The following NRXN3 variants were observed in gnomAD, a reference collection of about 807,000 sequenced individuals.
The protein encoded by NRXN3 is neurexin 3.
In NRXN3, 32 loss-of-function variants were observed where a neutral mutation model predicts 137.6. The ratio of observed to expected loss-of-function variants is 0.23; its 90% CI spans 0.18 to 0.31. The LOEUF is 0.31. Ranked by LOEUF, NRXN3 falls within the 10% of genes least tolerant of loss-of-function variation. The probability of loss-of-function intolerance (pLI) is 1.00; values close to 1 mark genes in which losing one functional copy is unlikely to be tolerated. For synonymous variants in NRXN3, 798 were observed against 784.5 expected, an observed-to-expected ratio of 1.02 and a Z score of -0.29; for missense variants, 1,574 against 2,062.5, an observed-to-expected ratio of 0.76 and a Z score of 4.59.
intron 4 of NRXN3, among the ~76,000 whole-genome samples, chr14:78,475,765 G>A (rs996264350): frequency 3.3e-5 from 5 of 152,188 alleles, no homozygotes; most frequent in East Asian, 1.9e-4. Flanking sequence ...ACATTTGATG[G>A]CAAAGAGCAA....
intron 19 of NRXN3, among the ~76,000 whole-genome samples, chr14:79,716,245 A>G (rs2098823302): frequency 6.6e-6 from 1 of 152,230 alleles, no homozygotes; most frequent in African/African-American, 2.4e-5. Flanking sequence ...AATGCCTCAC[A>G]GACCCATGTG....
chr14:78,566,666 C>T (rs2096839443), intron 4 of NRXN3, among the ~76,000 whole-genome samples: 1 of 152,200 alleles, frequency 6.6e-6, no homozygotes, highest in Non-Finnish European at 1.5e-5. Context: ...CTTCCTCCTC[C>T]CTCTGGTTTC....
chr14:79,773,829 AC>A (rs1167311192), intron 19 of NRXN3, among the ~76,000 whole-genome samples: 1 of 148,920 alleles, frequency 6.7e-6, no homozygotes, highest in Non-Finnish European at 1.5e-5. Flanking sequence ...AAATAAAAAT[AC>A]AAAAAAAAAA....
At chr14:78,895,209 C>A (rs764839722) in intron 10 of NRXN3, among the ~76,000 whole-genome samples, 1 of 151,862 alleles carries the variant, frequency 6.6e-6, no homozygotes, top group Non-Finnish European at 1.5e-5. Context: ...GCTGTTTCAT[C>A]TACAGTAAAA....
chr14:78,398,667 G>C (rs1431540537), intron 4 of NRXN3, among the ~76,000 whole-genome samples: 1 of 152,144 alleles, frequency 6.6e-6, no homozygotes, highest in Non-Finnish European at 1.5e-5. Flanking sequence ...TGGTGGAATT[G>C]CCTCATTATG....
At chr14:78,397,962 C>T (rs1470600879) in intron 4 of NRXN3, among the ~76,000 whole-genome samples, 8 of 150,804 alleles carry the variant, frequency 5.3e-5, no homozygotes, top group East Asian at 2.1e-4. Flanking sequence ...TGCCTGTAAT[C>T]GCAGCACTTT....
intron 15 of NRXN3, among the ~76,000 whole-genome samples, chr14:79,347,735 C>A (rs1257181432): frequency 6.6e-6 from 1 of 152,068 alleles, no homozygotes; most frequent in East Asian, 1.9e-4. Flanking sequence ...TTTCCCTTTT[C>A]AGTAGCAGGT....
At chr14:78,391,424 C>A (rs1207631585) in intron 4 of NRXN3, among the ~76,000 whole-genome samples, 1 of 152,096 alleles carries the variant, frequency 6.6e-6, no homozygotes, top group Non-Finnish European at 1.5e-5. Flanking sequence ...GAGGCTTCAA[C>A]AGACTTTTTA....
At chr14:79,404,540 A>G (rs141348353) in intron 15 of NRXN3, among the ~76,000 whole-genome samples, 70 of 152,300 alleles carry the variant, frequency 4.6e-4, no homozygotes, top group African/African-American at 1.6e-3. Context: ...AGAGTTCTGG[A>G]AATGAAAGAC....
chr14:79,213,633 G>A (rs1202551949), intron 15 of NRXN3, among the ~76,000 whole-genome samples: 7 of 151,380 alleles, frequency 4.6e-5, no homozygotes, highest in African/African-American at 1.5e-4. Context: ...TTTGGGGGGG[G>A]GTGGCGGGAA....
intron 4 of NRXN3, among the ~76,000 whole-genome samples, chr14:78,303,352 C>T (rs2077055247): frequency 1.3e-5 from 2 of 152,296 alleles, no homozygotes; most frequent in South Asian, 4.1e-4. Flanking sequence ...CTCCCCTCTA[C>T]TAGATTGCAC....
At chr14:79,261,791 T>A (rs1227553650) in intron 15 of NRXN3, among the ~76,000 whole-genome samples, 1 of 152,082 alleles carries the variant, frequency 6.6e-6, no homozygotes, top group Admixed American at 6.6e-5. Flanking sequence ...GCGGGCAAGT[T>A]GTGGTTCTCA....
Position 79,662,756 on chromosome 14 carries a change from G to C in NRXN3, c.3445-1022G>C, listed in dbSNP as rs150839395. Among the ~76,000 whole-genome samples the C allele has an allele frequency of 2.0e-4, 31 of 152,178 alleles. No individual in the cohort carries two copies. In the East Asian group the frequency reaches 5.6e-3, roughly 28 times the overall value. On this transcript the variant is annotated intron_variant, in intron 16 of 20. Coordinates refer to ENST00000335750, the MANE Select transcript of NRXN3 (RefSeq NM_001330195.2). ...TCACATGACAGGAGCAGGAACAAGA[G>C]AGACACAGGGAAGATGCCACACACT...
chr14:78,399,597 T>C (rs1012928176), intron 4 of NRXN3, among the ~76,000 whole-genome samples: 1 of 152,214 alleles, frequency 6.6e-6, no homozygotes, highest in Non-Finnish European at 1.5e-5. Flanking sequence ...CCTTTTTAAA[T>C]ACCAGCCTCT....
intron 4 of NRXN3, among the ~76,000 whole-genome samples, chr14:78,623,628 G>A (rs369701320): frequency 3.9e-5 from 6 of 152,104 alleles, no homozygotes; most frequent in African/African-American, 1.2e-4. Flanking sequence ...GTGCAGTGGC[G>A]TGATCTCGGC....
chr14:78,915,345 C>CAAAAAAAAAAAAA (rs35908076), intron 10 of NRXN3, among the ~76,000 whole-genome samples: 2 of 11,190 alleles, frequency 1.8e-4, no homozygotes, highest in African/African-American at 2.8e-4. Context: ...ACGTGTGAAG[C>CAAAAAAAAAAAAA]AAAAAAAAAA....
intron 4 of NRXN3, among the ~76,000 whole-genome samples, chr14:78,424,924 G>T (rs1028353168): frequency 4.6e-5 from 7 of 152,214 alleles, no homozygotes; most frequent in African/African-American, 1.7e-4. Flanking sequence ...TGGTGTAATT[G>T]CTGTGTTCTT....
At chr14:79,147,805 C>T (rs1317471238) in intron 15 of NRXN3, among the ~76,000 whole-genome samples, 1 of 152,076 alleles carries the variant, frequency 6.6e-6, no homozygotes, top group East Asian at 1.9e-4. Flanking sequence ...CTATAAGAAT[C>T]GAAGTCCTTT....
intron 17 of NRXN3, among the ~76,000 whole-genome samples, chr14:79,664,787 A>G (rs1323789504): frequency 6.6e-6 from 1 of 152,158 alleles, no homozygotes; most frequent in Non-Finnish European, 1.5e-5. Flanking sequence ...ACAACCCTTC[A>G]GCAAAGGGCC....
Sources: allele counts gnomAD v4.1 joint callset (sites outside exome capture counted in the v4.1 genomes callset), GRCh38; gene constraint gnomAD v4.1.1; transcripts MANE v1.5; gene names NCBI Gene and HGNC (gene_info 2026-07-23, HGNC 2026-07-21).